The following KCTD16 variants were observed in gnomAD, a reference collection of about 807,000 sequenced individuals.
KCTD16 encodes the protein potassium channel tetramerization domain containing 16.
A neutral mutation model predicts 33.2 loss-of-function variants in KCTD16; 13 were observed. The ratio of observed to expected loss-of-function variants is 0.39; its 90% CI spans 0.25 to 0.62. KCTD16 has a LOEUF of 0.62. KCTD16 is among the 20% of genes least tolerant of loss of function. The pLI is 0.50. For missense variants in KCTD16, 441 were observed against 525.1 expected (o/e 0.84, Z 1.57); for synonymous variants, 197 against 195.3 (o/e 1.01, Z -0.07).
At chr5:144,459,576 C>A (rs1025893917) in intron 3 of KCTD16, among the ~76,000 whole-genome samples, 1 of 152,076 alleles carries the variant, frequency 6.6e-6, no homozygotes, top group Non-Finnish European at 1.5e-5. Flanking sequence ...TCTCAAACTC[C>A]TGACCTCAGG....
intron 3 of KCTD16, among the ~76,000 whole-genome samples, chr5:144,208,120 C>G (rs1753249999): frequency 1.3e-5 from 2 of 152,184 alleles, no homozygotes; most frequent in Admixed American, 6.5e-5. Flanking sequence ...TACAAATCTG[C>G]TGTTTGATTC....
intron 2 of KCTD16, among the ~76,000 whole-genome samples, chr5:144,197,845 C>T (rs578223611): frequency 3.3e-5 from 5 of 152,204 alleles, no homozygotes; most frequent in Non-Finnish European, 7.4e-5. Context: ...AATTGCCTGG[C>T]AATTGGGTCA....
intron 3 of KCTD16, among the ~76,000 whole-genome samples, chr5:144,461,321 C>T (rs1754188939): frequency 6.6e-6 from 1 of 152,134 alleles, no homozygotes; most frequent in Non-Finnish European, 1.5e-5. Flanking sequence ...TCTTTATCAT[C>T]TTCCCATACC....
chr5:144,466,218 T>C (rs1754328105), intron 3 of KCTD16, among the ~76,000 whole-genome samples: 1 of 150,518 alleles, frequency 6.6e-6, no homozygotes, highest in East Asian at 1.9e-4. Context: ...GCAAATATTA[T>C]ATCTTAGTTC....
At chr5:144,262,896 A>G (rs1755050546) in intron 3 of KCTD16, among the ~76,000 whole-genome samples, 1 of 152,072 alleles carries the variant, frequency 6.6e-6, no homozygotes, top group Admixed American at 6.5e-5. Context: ...GAACTGCCAT[A>G]CTCACCTTAG....
chr5:144,245,561 G>A (rs1754527488), intron 3 of KCTD16, among the ~76,000 whole-genome samples: 1 of 152,180 alleles, frequency 6.6e-6, no homozygotes, highest in South Asian at 2.1e-4. Context: ...TGGGGCTGAT[G>A]TGGTTTGGAT....
At chr5:144,322,291 C>G (rs975691613) in intron 3 of KCTD16, among the ~76,000 whole-genome samples, 1 of 152,084 alleles carries the variant, frequency 6.6e-6, no homozygotes, top group African/African-American at 2.4e-5. Context: ...CTTCACTGTC[C>G]ATAGTTGTGC....
chr5:144,313,523 A>G (rs1751825811), intron 3 of KCTD16, among the ~76,000 whole-genome samples: 1 of 152,228 alleles, frequency 6.6e-6, no homozygotes, highest in Admixed American at 6.5e-5. Flanking sequence ...TTTAGAGTTT[A>G]GAAAGTGCAG....
chr5:144,323,296 A>G (rs1403528473), intron 3 of KCTD16, among the ~76,000 whole-genome samples: 1 of 152,174 alleles, frequency 6.6e-6, no homozygotes, highest in Non-Finnish European at 1.5e-5. Flanking sequence ...TTGGCTATAG[A>G]TGTGTTTATT....
chr5:144,327,736 G>A (rs1391778015), intron 3 of KCTD16, among the ~76,000 whole-genome samples: 2 of 152,050 alleles, frequency 1.3e-5, no homozygotes, highest in Admixed American at 1.3e-4. Context: ...AATATATGTA[G>A]GATGTAATTC....
At chr5:144,231,627 C>T (rs557584270) in intron 3 of KCTD16, among the ~76,000 whole-genome samples, 8 of 152,202 alleles carry the variant, frequency 5.3e-5, no homozygotes, top group South Asian at 4.2e-4. Context: ...GTATCAGGGG[C>T]GGGACCAGTT....
chr5:144,402,882 C>T (rs184248864), intron 3 of KCTD16, among the ~76,000 whole-genome samples: 32 of 152,292 alleles, frequency 2.1e-4, no homozygotes, highest in African/African-American at 7.5e-4. Flanking sequence ...TATTCTGTTA[C>T]CGTTTGGAGG....
intron 3 of KCTD16, among the ~76,000 whole-genome samples, chr5:144,229,996 G>A (rs553182222): frequency 6.6e-6 from 1 of 152,248 alleles, no homozygotes; most frequent in Admixed American, 6.5e-5. Context: ...ACAAAAATCA[G>A]CTGGACATGG....
At chr5:144,432,567 G>A (rs967304294) in intron 3 of KCTD16, among the ~76,000 whole-genome samples, 1 of 152,052 alleles carries the variant, frequency 6.6e-6, no homozygotes, top group African/African-American at 2.4e-5. Context: ...TGGTACACCT[G>A]GGCAAGACTG....
chr5:144,439,357 C>A, intron 3 of KCTD16: 1 of 514,878 alleles, frequency 1.9e-6, no homozygotes, highest in Non-Finnish European at 3.8e-6. Context: ...GAGTATGAAT[C>A]TGAATGGAGG....
intron 2 of KCTD16, 34 bp downstream of exon 2, chr5:144,174,506 A>G (rs756883595): frequency 4.6e-5 from 7 of 152,196 alleles, no homozygotes; most frequent in Non-Finnish European, 8.8e-5. Context: ...CTCTCCCTAT[A>G]TATTAACTAT....
chr5:144,358,554 A>C (rs899244946), intron 3 of KCTD16, among the ~76,000 whole-genome samples: 1 of 152,216 alleles, frequency 6.6e-6, no homozygotes, highest in Admixed American at 6.5e-5. Flanking sequence ...CAGAAGGTAC[A>C]CTAAATGTCT....
chr5:144,178,701 A>G (rs1259363077), intron 2 of KCTD16, among the ~76,000 whole-genome samples: 3 of 152,378 alleles, frequency 2.0e-5, no homozygotes, highest in African/African-American at 4.8e-5. Flanking sequence ...TGGAAAGATT[A>G]ACATCATTTA....
At chr5:144,221,609 A>G (rs1396490102) in intron 3 of KCTD16, among the ~76,000 whole-genome samples, 3 of 152,080 alleles carry the variant, frequency 2.0e-5, no homozygotes, top group African/African-American at 7.2e-5. Flanking sequence ...ATCCCTTTTT[A>G]TGGCTGCATA....
Sources: allele counts gnomAD v4.1 joint callset (sites outside exome capture counted in the v4.1 genomes callset), GRCh38; gene constraint gnomAD v4.1.1; transcripts MANE v1.5; gene names NCBI Gene and HGNC (gene_info 2026-07-23, HGNC 2026-07-21).